ATP6V0A4: variants seen among roughly 807,000 people sequenced by gnomAD.
The protein encoded by ATP6V0A4 is V-type proton ATPase 116 kDa subunit a 4.
In ATP6V0A4, 86 loss-of-function variants were observed where a neutral mutation model predicts 107.3. The observed-to-expected ratio is 0.80, with a 90% confidence interval of 0.67 to 0.96. ATP6V0A4 has a LOEUF of 0.96. Ranked by LOEUF, ATP6V0A4 falls within the 40% of genes least tolerant of loss-of-function variation. ATP6V0A4 has a pLI of 0.00. For missense variants in ATP6V0A4, 908 were observed against 1,045.6 expected (o/e 0.87, Z 1.81); for synonymous variants, 353 against 381.4 (o/e 0.93, Z 0.87).
At position 138,721,889 on chromosome 7, in the gene ATP6V0A4, C is replaced by T. The variant is rs1160332135; in HGVS notation, c.2139+8G>A. The stretch of plus-strand genomic sequence containing the variant: ...GGAGTCTTCCTCAGGGGCTCTCGTC[C>T]CAGATACCTCTTCTCCATGGTCGTC... On this transcript the variant is annotated splice_region_variant and intron_variant, in intron 19 of 21. Transcript: ENST00000310018. 6.2e-7 allele frequency: 1 copy of T among 1,613,838 alleles called. No individual in the cohort carries two copies. The highest frequency in any genetic ancestry group is 1.3e-5 in the African/African-American group (1 of 74,870).
At position 138,721,794 on chromosome 7, in the gene ATP6V0A4, T is replaced by C. The variant is rs1804434555; in HGVS notation, c.2139+103A>G. 4.5e-6 allele frequency: 6 copies of C among 1,325,566 alleles called. No individual in the cohort carries two copies. The African/African-American group carries it at 5.8e-5, about 13-fold the overall frequency. The allele number at this position is 1,325,566 out of a possible 1,614,324, so 82.1% of individuals were successfully genotyped here. A position where few individuals can be genotyped will look rare whatever the true frequency, so the allele number is the denominator to read the frequency against. On this transcript the variant is annotated intron_variant, in intron 19 of 21. Coordinates refer to ENST00000310018, the MANE Select transcript of ATP6V0A4 (RefSeq NM_020632.3). ...CAGGACTCAGCAGTGACAGGGCTAC[T>C]GCCCCGTGGGGCCCTCCAGACCCAC... is the stretch of plus-strand genomic sequence containing the variant.
At position 138,752,696 on chromosome 7, in the gene ATP6V0A4, A is replaced by G; in HGVS notation, c.958T>C (p.Cys320Arg). 1 of 1,613,918 alleles carries G rather than the reference A, an allele frequency of 6.2e-7. No homozygotes were observed. The highest frequency in any genetic ancestry group is 2.2e-5 in the East Asian group (1 of 44,850). The change falls in exon 11 of 22, where the codon TGT (cysteine) becomes CGT (arginine). Residue 320 changes from cysteine (C) to arginine (R), a missense_variant. Coordinates refer to ENST00000310018, the MANE Select transcript of ATP6V0A4 (RefSeq NM_020632.3). ...GGGAACCAGATCTCGGCGATGACAC[A>G]CTGCTGGGTGACGTCGATGTTGCAC... The part of the protein sequence containing the change: ...NMCNIDVTQQ[C>R]VIAEIWFPVA...
chr7:138,784,017 A>T (rs919030657), intron 2 of ATP6V0A4, among the ~76,000 whole-genome samples: 5 of 151,988 alleles, frequency 3.3e-5, no homozygotes, highest in African/African-American at 1.2e-4. Flanking sequence ...AGAACCAAAC[A>T]CAGCTCTAGC....
chr7:138,711,346 G>C (rs1803734272), intron 20 of ATP6V0A4, among the ~76,000 whole-genome samples: 3 of 152,128 alleles, frequency 2.0e-5, no homozygotes, highest in South Asian at 2.1e-4. Context: ...TGCAAGTAAG[G>C]GTCCATGCTT....
At chr7:138,789,515 T>A (rs1808311725) in intron 1 of ATP6V0A4, among the ~76,000 whole-genome samples, 1 of 151,680 alleles carries the variant, frequency 6.6e-6, no homozygotes, top group Non-Finnish European at 1.5e-5. Context: ...CCCAAAGTGC[T>A]AGGATTACAG....
intron 5 of ATP6V0A4, among the ~76,000 whole-genome samples, chr7:138,763,667 C>T (rs547872026): frequency 1.8e-4 from 28 of 151,702 alleles, no homozygotes; most frequent in Middle Eastern, 6.8e-3. Flanking sequence ...ACTTCAGAAA[C>T]ATTAAACAAT....
At chr7:138,752,950 C>T (rs1806309799) in intron 10 of ATP6V0A4, 113 bp from the exon 11 acceptor site, 1 of 1,538,100 alleles carries the variant, frequency 6.5e-7, no homozygotes, top group Non-Finnish European at 8.7e-7. Context: ...TGGCAGGCTC[C>T]TTTGACCTGT....
chr7:138,771,940 T>C (rs1291985273), intron 2 of ATP6V0A4, among the ~76,000 whole-genome samples: 1 of 152,166 alleles, frequency 6.6e-6, no homozygotes, highest in African/African-American at 2.4e-5. Flanking sequence ...TTTTAAAATA[T>C]GACTAAAGAC....
chr7:138,741,277 G>A (rs975581696), intron 14 of ATP6V0A4, among the ~76,000 whole-genome samples: 1 of 152,208 alleles, frequency 6.6e-6, no homozygotes, highest in African/African-American at 2.4e-5. Context: ...TAGCAGCTGA[G>A]GGAATCGGGA....
chr7:138,779,114 G>C (rs543955838), intron 2 of ATP6V0A4, among the ~76,000 whole-genome samples: 1 of 152,178 alleles, frequency 6.6e-6, no homozygotes, highest in Non-Finnish European at 1.5e-5. Context: ...GCCAAGACAG[G>C]TGGATTGCTT....
At chr7:138,797,899 T>G (rs1158450605) in intron 1 of ATP6V0A4, 135 bp downstream of exon 1, 16 of 1,328,874 alleles carry the variant, frequency 1.2e-5, no homozygotes, top group Non-Finnish European at 1.6e-5. Context: ...TTGGCTTCCC[T>G]TCTAGAGAGG....
At chr7:138,796,968 A>T (rs543735128) in intron 1 of ATP6V0A4, among the ~76,000 whole-genome samples, 1 of 152,184 alleles carries the variant, frequency 6.6e-6, no homozygotes, top group East Asian at 1.9e-4. Context: ...TTGCTTCCTG[A>T]CTTTGTTTCA....
chr7:138,745,658 C>CAAAAAAAAAA lies in ATP6V0A4; in HGVS notation c.1321-388_1321-379dup, dbSNP rs566336992. ...CACCACTGCGCTCCAGCCTGTGTCT[C>CAAAAAAAAAA]AAAAAAAAAAAAAGGCCGGGTGTGA... On this transcript the variant is annotated intron_variant, in intron 13 of 21. Coordinates refer to ENST00000310018, the MANE Select transcript of ATP6V0A4 (RefSeq NM_020632.3). Among the ~76,000 whole-genome samples the CAAAAAAAAAA allele has an allele frequency of 1.1e-3, 49 of 42,726 alleles. 2 individuals carry two copies. Among genetic ancestry groups the CAAAAAAAAAA allele is most frequent in the African/African-American group, 4.2e-3 (43 of 10,236 alleles). The allele number at this position is 42,726 out of a possible 152,430, so 28.0% of individuals were successfully genotyped here. A position where few individuals can be genotyped will look rare whatever the true frequency, so the allele number is the denominator to read the frequency against.
rs533828165 is a variant in ATP6V0A4 at position 138,747,764 on chromosome 7, A to AT, written c.1181-201dup. 4.7e-4 allele frequency: 410 copies of AT among 880,668 alleles called. 2 individuals carry two copies. In the African/African-American group the frequency reaches 5.6e-3, roughly 12 times the overall value. The allele number at this position is 880,668 out of a possible 1,614,324, so 54.6% of individuals were successfully genotyped here. On this transcript the variant is annotated intron_variant, in intron 12 of 21. Coordinates refer to ENST00000310018, the MANE Select transcript of ATP6V0A4 (RefSeq NM_020632.3). ...CTGTTCCTAGGCATTCTGTTTTTCA[A>AT]TTTTTTTTGAAAGTGGGTCTCGCTC...
chr7:138,712,868 G>A (rs572570141), intron 20 of ATP6V0A4, among the ~76,000 whole-genome samples: 1 of 152,112 alleles, frequency 6.6e-6, no homozygotes, highest in Non-Finnish European at 1.5e-5. Context: ...TCCAACTACT[G>A]CTGGGGTTAG....
chr7:138,755,984 G>T (rs2117299225), intron 9 of ATP6V0A4: 1 of 889,710 alleles, frequency 1.1e-6, no homozygotes, highest in Non-Finnish European at 1.7e-6. Context: ...TGAGGCTGCA[G>T]TTCTGTTATA....
intron 10 of ATP6V0A4, among the ~76,000 whole-genome samples, chr7:138,753,504 A>T (rs1462496832): frequency 1.3e-5 from 2 of 152,204 alleles, no homozygotes; most frequent in Non-Finnish European, 2.9e-5. Flanking sequence ...CTAAGAGATT[A>T]CTACATCTAC....
chr7:138,767,091 G>A (rs1397145774), intron 5 of ATP6V0A4, among the ~76,000 whole-genome samples: 1 of 152,168 alleles, frequency 6.6e-6, no homozygotes, highest in African/African-American at 2.4e-5. Flanking sequence ...TCTCATGAAA[G>A]TGTTTTTGTC....
intron 1 of ATP6V0A4, among the ~76,000 whole-genome samples, chr7:138,792,766 G>GTTTTTTTTTTGT (rs1808475116): frequency 1.5e-5 from 1 of 68,706 alleles, no homozygotes; most frequent in African/African-American, 6.4e-5. Context: ...ACTCAGGTTT[G>GTTTTTTTTTTGT]TTTTTTTTTT....
Sources: gnomAD v4.1 joint callset for allele counts (sites outside exome capture counted in the v4.1 genomes callset) on GRCh38, gnomAD v4.1.1 for gene constraint, MANE v1.5 for transcripts, NCBI Gene and HGNC (gene_info 2026-07-23, HGNC 2026-07-21) for gene names.